Variants in ZNF426 observed in about 807,000 individuals in gnomAD.
ZNF426 encodes zinc finger protein 426.
A neutral mutation model predicts 24.0 loss-of-function variants in ZNF426; 23 were observed. The ratio of observed to expected loss-of-function variants is 0.96; its 90% confidence interval spans 0.69 to 1.36. The LOEUF (loss-of-function observed/expected upper bound fraction) is 1.36. Among genes scored for constraint, ZNF426 ranks in the 40% most tolerant of loss-of-function variants. ZNF426 has a pLI of 0.00. For synonymous variants in ZNF426, 272 were observed against 224.6 expected, an observed-to-expected ratio of 1.21 and a Z score of -1.89; for missense variants, 646 against 658.4, an observed-to-expected ratio of 0.98 and a Z score of 0.21.
In ZNF426 at chr19:9,525,418, T is replaced by A. The variant is rs1016151319; in HGVS notation, c.*2962A>T. The A allele has an allele frequency of 6.6e-6, 1 of 152,184 alleles. No individual in the cohort carries two copies. The highest frequency in any genetic ancestry group is 2.4e-5 in the African/African-American group (1 of 41,442). The allele number at this position is 152,184 out of a possible 1,614,324, so 9.4% of individuals were successfully genotyped here. On this transcript the variant is annotated 3_prime_UTR_variant, in exon 8 of 8. Transcript: ENST00000253115. ...GGCTTCTCTATATTCCTTACATTCA[T>A]AGGGCTCTGTCCACCATGAGTTCAT...
intron 6 of ZNF426, 33 bp from the exon 7 acceptor site, chr19:9,531,100 T>C (rs746330728): frequency 6.4e-7 from 1 of 1,565,022 alleles, no homozygotes; most frequent in Non-Finnish European, 8.8e-7. Flanking sequence ...ATAAAAGGAC[T>C]CAAGCTAGGC....
intron 4 of ZNF426, among the ~76,000 whole-genome samples, 182 bp from the exon 5 acceptor site, chr19:9,534,148 T>C (rs1568486438): frequency 6.6e-6 from 1 of 152,164 alleles, no homozygotes; most frequent in Non-Finnish European, 1.5e-5. Context: ...TCTCCTCCAC[T>C]CATAGTGCAT....
chr19:9,534,102 T>C lies in ZNF426; in HGVS notation c.118-136A>G, dbSNP rs569083221. ...GACCAGCCCCAGGTTTTAAGGGTCC[T>C]AGAAACTCCTCGCACCCTAAACATA... is the stretch of plus-strand genomic sequence containing the variant. On this transcript the variant is annotated intron_variant, in intron 4 of 7. Coordinates refer to ENST00000253115, the MANE Select transcript of ZNF426 (RefSeq NM_024106.3). 96 of 1,185,058 alleles carry C rather than the reference T, an allele frequency of 8.1e-5. No homozygotes were observed. The Middle Eastern group carries it at 1.0e-3, about 13-fold the overall frequency. 73.4% of individuals were successfully genotyped at this position (1,185,058 alleles called of 1,614,324 possible).
At position 9,525,251 on chromosome 19, in the gene ZNF426, AAAAAATAAAAATAAAAAT is replaced by A. The variant is rs371921161; in HGVS notation, c.*3111_*3128del. On this transcript the variant is annotated 3_prime_UTR_variant, in exon 8 of 8. Transcript: ENST00000253115. The stretch of plus-strand genomic sequence containing the variant: ...GCGACAGAGCGAGACTCCGTCTCAA[AAAAAATAAAAATAAAAAT>A]AAAAATAAAAATAAAAATAAAAAGG... The A allele has an allele frequency of 2.0e-4, 29 of 148,508 alleles. No homozygotes were observed. Among genetic ancestry groups the A allele is most frequent in the African/African-American group, 6.1e-4 (24 of 39,614 alleles). 9.2% of individuals were successfully genotyped at this position (148,508 alleles called of 1,614,324 possible).
At position 9,529,649 on chromosome 19, in the gene ZNF426, T is replaced by C. The variant is rs1456321467; in HGVS notation, c.409-13A>G. On this transcript the variant is annotated splice_polypyrimidine_tract_variant and intron_variant, in intron 7 of 7. Coordinates refer to ENST00000253115, the MANE Select transcript of ZNF426 (RefSeq NM_024106.3). ...TGTGTTTTCCTTCCTGTTGAAGGGA[T>C]GATGATGATTTAAGGATTTTTCTCA... 1 of 1,567,272 alleles carries C rather than the reference T, an allele frequency of 6.4e-7. No homozygotes were observed. The highest frequency in any genetic ancestry group is 1.9e-5 in the Admixed American group (1 of 52,054).
At chr19:9,535,854 A>G (rs1354656111) in intron 3 of ZNF426, among the ~76,000 whole-genome samples, 1 of 151,922 alleles carries the variant, frequency 6.6e-6, no homozygotes, top group African/African-American at 2.4e-5. Context: ...AAAAAAGAAA[A>G]GAAAGAAAAT....
At position 9,525,633 on chromosome 19, in the gene ZNF426, C is replaced by T. The variant is rs561198578; in HGVS notation, c.*2747G>A. 4.4e-3 allele frequency: 671 copies of T among 151,836 alleles called. No individual in the cohort carries two copies. The highest frequency in any genetic ancestry group is 8.3e-3 in the Non-Finnish European group (564 of 68,030). The allele number at this position is 151,836 out of a possible 1,614,324, so 9.4% of individuals were successfully genotyped here. A position where few individuals can be genotyped will look rare whatever the true frequency, so the allele number is the denominator to read the frequency against. The stretch of plus-strand genomic sequence containing the variant: ...TCCCAAGTAGCTGGGACTACAGGTG[C>T]CCGCCACCACACCCAGCTAATTTTT... On this transcript the variant is annotated 3_prime_UTR_variant, in exon 8 of 8. Coordinates refer to ENST00000253115, the MANE Select transcript of ZNF426 (RefSeq NM_024106.3).
Position 9,529,163 on chromosome 19 carries a change from G to A in ZNF426, c.882C>T (p.Tyr294=), listed in dbSNP as rs2073841669. The A allele has an allele frequency of 1.2e-6, 2 of 1,614,080 alleles. No homozygotes were observed. The highest frequency in any genetic ancestry group is 1.1e-5 in the South Asian group (1 of 91,088). Residue 294 remains tyrosine (Y), a synonymous_variant, in exon 8 of 8, where the codon TAC becomes TAT. Transcript: ENST00000253115. ...TGTGGGTTCGCATGTGAATACTGAG[G>A]TAGGCTGGGTATCTATAGCCTTTTC... ...ECGKGYRYPA[Y]LSIHMRTHTG... is the part of the protein sequence containing the mutation.
intron 6 of ZNF426, among the ~76,000 whole-genome samples, chr19:9,532,592 T>A (rs1273004964): frequency 6.6e-6 from 1 of 152,146 alleles, no homozygotes; most frequent in Non-Finnish European, 1.5e-5. Flanking sequence ...CCACCATGCC[T>A]GGCCGAGTTT....
Position 9,532,848 on chromosome 19 carries a change from G to A in ZNF426, c.322C>T (p.Gln108Ter). The A allele has an allele frequency of 1.2e-6, 2 of 1,612,386 alleles. No homozygotes were observed. Among genetic ancestry groups the A allele is most frequent in the Non-Finnish European group, 1.7e-6 (2 of 1,178,798 alleles). Residue 108 changes from glutamine (Q) to a stop codon, truncating the protein, a stop_gained, in exon 6 of 8, where the codon CAA (glutamine) becomes TAA (stop). Transcript: ENST00000253115. LOFTEE classifies it high-confidence loss of function. ...GTTGTTCTTCATGAACACTCACCTT[G>A]GAGAACTCCTCCCTGAACTGTCCTT... is the stretch of plus-strand genomic sequence containing the variant. ...ESRTVQGGVL[Q>*]GWEMRLETQW...
chr19:9,535,284 A>T lies in ZNF426; in HGVS notation c.26-5T>A. On this transcript the variant is annotated splice_polypyrimidine_tract_variant and splice_region_variant and intron_variant, in intron 3 of 7. Coordinates refer to ENST00000253115, the MANE Select transcript of ZNF426 (RefSeq NM_024106.3). ...GGTCCCCAGAAAGATAATGTCCTGT[A>T]AGAAAATGAAGGCAAGAGAACCCCG... 6.2e-7 allele frequency: 1 copy of T among 1,610,736 alleles called. No individual in the cohort carries two copies. Among genetic ancestry groups the T allele is most frequent in the Admixed American group, 1.7e-5 (1 of 59,842 alleles).
intron 2 of ZNF426, among the ~76,000 whole-genome samples, chr19:9,537,414 T>C (rs981048089): frequency 2.6e-5 from 4 of 151,280 alleles, no homozygotes; most frequent in South Asian, 2.1e-4. Flanking sequence ...GGCCCACAAA[T>C]ATTCAGTTTG....
In ZNF426 at chr19:9,528,194, G is replaced by T; in HGVS notation, c.*186C>A. The T allele has an allele frequency of 1.7e-6, 1 of 584,934 alleles. No homozygotes were observed. Among genetic ancestry groups the T allele is most frequent in the Non-Finnish European group, 2.9e-6 (1 of 348,598 alleles). 36.2% of individuals were successfully genotyped at this position (584,934 alleles called of 1,614,324 possible). A position where few individuals can be genotyped will look rare whatever the true frequency, so the allele number is the denominator to read the frequency against. ...GTAGAGACAAGGTTTCACCATGTTG[G>T]CCAGGGTGGTCTCAAACTCCTGACC... On this transcript the variant is annotated 3_prime_UTR_variant, in exon 8 of 8. Coordinates refer to ENST00000253115, the MANE Select transcript of ZNF426 (RefSeq NM_024106.3).
chr19:9,534,170 C>T (rs566857869), intron 4 of ZNF426, among the ~76,000 whole-genome samples: 2 of 152,298 alleles, frequency 1.3e-5, no homozygotes, highest in East Asian at 3.9e-4. Context: ...AATGGCACTT[C>T]TTGAATATGA....
At chr19:9,532,457 C>T (rs1430212785) in intron 6 of ZNF426, among the ~76,000 whole-genome samples, 3 of 151,336 alleles carry the variant, frequency 2.0e-5, no homozygotes, top group Admixed American at 6.6e-5. Flanking sequence ...CCACCACCCT[C>T]GGCTAATTTT....
intron 3 of ZNF426, 27 bp from the exon 4 acceptor site, chr19:9,535,306 C>T (rs775329007): frequency 1.3e-6 from 2 of 1,559,430 alleles, no homozygotes; most frequent in Admixed American, 1.7e-5. Flanking sequence ...GCAAGAGAAC[C>T]CCGAGCTGAC....
chr19:9,531,046 G>A lies in ZNF426; in HGVS notation c.347C>T (p.Thr116Ile). ...VLQGWEMRLE[T>I]QWSILQQDFL... ...GTCCTGCTGAAGTATAGACCACTGG[G>A]TTTCAAGTCGCATTTCCCATCCTGA... The change falls in exon 7 of 8, where the codon ACC (threonine) becomes ATC (isoleucine). Residue 116 changes from threonine (T) to isoleucine (I), a missense_variant. Thr to Ile is a moderately conservative substitution (Grantham distance 89). Transcript: ENST00000253115. 1 of 1,613,978 alleles carries A rather than the reference G, an allele frequency of 6.2e-7. No individual in the cohort carries two copies. The highest frequency in any genetic ancestry group is 8.5e-7 in the Non-Finnish European group (1 of 1,179,896).
rs150063289 is a variant in ZNF426, at chr19:9,535,219, A to G, written c.86T>C (p.Ile29Thr). 1.5e-5 allele frequency: 25 copies of G among 1,613,652 alleles called. 1 individual carries two copies. In the African/African-American group the frequency reaches 2.7e-4, roughly 17 times the overall value. ...ACAATCTGTTAGGCAGTCAGCCACT[A>G]TTCTTCCTGCTGGTGTCTTTTCTTC... Reference protein sequence around the residue: ...LHEEKTPAGRIVADCLTDCYQ... With the variant: ...LHEEKTPAGRTVADCLTDCYQ... Residue 29 changes from isoleucine (I) to threonine (T), a missense_variant, in exon 4 of 8, where the codon ATA becomes ACA. Physicochemically the swap from Ile to Thr is moderately conservative, Grantham distance 89. Transcript: ENST00000253115.
chr19:9,533,655 G>A (rs540715376), intron 5 of ZNF426, among the ~76,000 whole-genome samples, 185 bp downstream of exon 5: 14 of 152,302 alleles, frequency 9.2e-5, no homozygotes, highest in African/African-American at 3.1e-4. Flanking sequence ...CAGGCAGATG[G>A]TGTTGCTATT....
Sources: gnomAD v4.1 joint callset for allele counts (sites outside exome capture counted in the v4.1 genomes callset) on GRCh38, gnomAD v4.1.1 for gene constraint, MANE v1.5 for transcripts, NCBI Gene and HGNC (gene_info 2026-07-23, HGNC 2026-07-21) for gene names.